Variants in LEPR observed in about 807,000 individuals in gnomAD.
LEPR encodes OB receptor.
A neutral mutation model predicts 114.7 loss-of-function variants in LEPR; 56 were observed. The observed-to-expected ratio is 0.49, with a 90% CI of 0.39 to 0.61. The LOEUF is 0.61. Ranked by LOEUF, LEPR falls within the 20% of genes least tolerant of loss-of-function variation. The pLI is 0.00. For synonymous variants in LEPR, 443 were observed against 461.4 expected, an observed-to-expected ratio of 0.96 and a Z score of 0.51; for missense variants, 1,202 against 1,352.9, an observed-to-expected ratio of 0.89 and a Z score of 1.75.
intron 19 of LEPR, chr1:65,634,679 A>G: frequency 1.0e-6 from 1 of 974,836 alleles, no homozygotes; most frequent in Non-Finnish European, 1.2e-6. Flanking sequence ...GGACATATGT[A>G]ATCTTGACTA....
intron 5 of LEPR, chr1:65,576,803 GA>G: frequency 1.3e-5 from 3 of 238,962 alleles, no homozygotes. Context: ...CCTTTTTTTG[GA>G]AAATGTGTCC....
At chr1:65,486,802 T>G (rs1647508787) in intron 2 of LEPR, among the ~76,000 whole-genome samples, 1 of 152,058 alleles carries the variant, frequency 6.6e-6, no homozygotes, top group Non-Finnish European at 1.5e-5. Context: ...AGGGAGAACA[T>G]GAGGTGGGCC....
At chr1:65,609,293 A>G (rs1039428984) in intron 12 of LEPR, among the ~76,000 whole-genome samples, 1 of 152,160 alleles carries the variant, frequency 6.6e-6, no homozygotes, top group African/African-American at 2.4e-5. Context: ...CCCCAAACTA[A>G]TTTTTCCAAG....
At chr1:65,526,060 C>T (rs1649937142) in intron 2 of LEPR, 1 of 947,942 alleles carries the variant, frequency 1.1e-6, no homozygotes, top group Non-Finnish European at 1.3e-6. Context: ...GATCTGGACA[C>T]ACGGCTGACA....
At chr1:65,500,612 G>A (rs1048225427) in intron 2 of LEPR, among the ~76,000 whole-genome samples, 1 of 152,054 alleles carries the variant, frequency 6.6e-6, no homozygotes, top group African/African-American at 2.4e-5. Context: ...ACGATTTTCT[G>A]AATAACATTT....
intron 18 of LEPR, among the ~76,000 whole-genome samples, chr1:65,621,960 G>A (rs777202210): frequency 1.3e-5 from 2 of 152,018 alleles, no homozygotes; most frequent in Non-Finnish European, 2.9e-5. Context: ...CAGGGAGGAT[G>A]GAATGTTTCT....
At chr1:65,439,299 A>G (rs1397538408) in intron 2 of LEPR, among the ~76,000 whole-genome samples, 1 of 152,344 alleles carries the variant, frequency 6.6e-6, no homozygotes, top group South Asian at 2.1e-4. Context: ...ACAAAGTTAT[A>G]CATTAGACAA....
intron 2 of LEPR, among the ~76,000 whole-genome samples, chr1:65,548,659 T>A (rs1414114799): frequency 1.3e-5 from 2 of 152,196 alleles, no homozygotes; most frequent in Non-Finnish European, 2.9e-5. Context: ...TCCATTTGCT[T>A]GGTAGATCCT....
At chr1:65,473,713 G>A (rs527444208) in intron 2 of LEPR, among the ~76,000 whole-genome samples, 8 of 152,308 alleles carry the variant, frequency 5.3e-5, no homozygotes, top group African/African-American at 1.9e-4. Context: ...TTTTAGAATT[G>A]TGAGACTTGA....
Position 65,636,735 on chromosome 1 carries a change from A to AT in LEPR, c.3219dup (p.Lys1074Ter). The AT allele has an allele frequency of 6.2e-7, 1 of 1,610,792 alleles. No individual in the cohort carries two copies. The highest frequency in any genetic ancestry group is 8.5e-7 in the Non-Finnish European group (1 of 1,178,870). On this transcript the variant is annotated frameshift_variant, in exon 20 of 20. Transcript: ENST00000349533. LOFTEE classifies it high-confidence loss of function. ...GGAAATTTCCCTGAAGAAAATAATG[A>AT]TAAAAAGTCTATCTATTATTTAGGG...
chr1:65,633,839 T>C lies in LEPR; in HGVS notation c.2674-2352T>C. 1.0e-6 allele frequency: 1 copy of C among 985,658 alleles called. No individual in the cohort carries two copies. Among genetic ancestry groups the C allele is most frequent in the Non-Finnish European group, 1.2e-6 (1 of 830,148 alleles). The allele number at this position is 985,658 out of a possible 1,614,324, so 61.1% of individuals were successfully genotyped here. On this transcript the variant is annotated intron_variant, in intron 19 of 19. Coordinates refer to ENST00000349533, the MANE Select transcript of LEPR (RefSeq NM_002303.6). The surrounding 1 kb of genome is among the most constrained non-coding windows in gnomAD (Gnocchi z 4.1). ...TCAGTTAAAAGGAAGCCCGAAGTTG[T>C]GTTTGTGCTGCCCACAGGACAGTGG... is the stretch of plus-strand genomic sequence containing the variant.
At chr1:65,527,430 GTACTTCA>G (rs1650048910) in intron 2 of LEPR, among the ~76,000 whole-genome samples, 2 of 152,212 alleles carry the variant, frequency 1.3e-5, no homozygotes, top group African/African-American at 4.8e-5. Flanking sequence ...AAGGGTTAGT[GTACTTCA>G]TACTTTCTTT....
intron 2 of LEPR, among the ~76,000 whole-genome samples, chr1:65,541,172 A>T (rs1212438307): frequency 6.6e-6 from 1 of 152,240 alleles, no homozygotes; most frequent in African/African-American, 2.4e-5. Flanking sequence ...TCGTGCTTTG[A>T]CATGTAAAAA....
chr1:65,426,913 G>A (rs1395292991), intron 2 of LEPR, among the ~76,000 whole-genome samples: 2 of 152,070 alleles, frequency 1.3e-5, no homozygotes, highest in Admixed American at 1.3e-4. Flanking sequence ...CAGGAGAATT[G>A]CTTGAACACA....
chr1:65,572,223 G>A, intron 4 of LEPR, 103 bp from the exon 5 acceptor site: 1 of 1,373,734 alleles, frequency 7.3e-7, no homozygotes, highest in Non-Finnish European at 9.6e-7. Context: ...TCAGAACACT[G>A]GTAAATTTGA....
intron 2 of LEPR, among the ~76,000 whole-genome samples, chr1:65,444,704 T>A (rs915077329): frequency 1.3e-5 from 2 of 152,184 alleles, no homozygotes; most frequent in Non-Finnish European, 2.9e-5. Flanking sequence ...ATAACTTTAT[T>A]TAAATGAGAA....
chr1:65,525,446 T>C (rs1353632114), intron 2 of LEPR, among the ~76,000 whole-genome samples: 7 of 152,014 alleles, frequency 4.6e-5, no homozygotes, highest in Admixed American at 4.6e-4. Context: ...GCGCCGGGTC[T>C]CTCCTCCCGC....
chr1:65,491,319 G>A (rs926349960), intron 2 of LEPR, among the ~76,000 whole-genome samples: 4 of 152,126 alleles, frequency 2.6e-5, no homozygotes, highest in African/African-American at 7.2e-5. Flanking sequence ...AATACATCAC[G>A]AAGATCAAAG....
intron 19 of LEPR, chr1:65,635,334 G>T (rs910355513): frequency 2.0e-6 from 2 of 983,406 alleles, no homozygotes; most frequent in African/African-American, 3.5e-5. Flanking sequence ...TACATTGTAT[G>T]AATTGAGCTT....
Sources: gnomAD v4.1 joint callset for allele counts (sites outside exome capture counted in the v4.1 genomes callset) on GRCh38, gnomAD v4.1.1 for gene constraint, Gnocchi (gnomAD v3.1) non-coding constraint, MANE v1.5 for transcripts, NCBI Gene and HGNC (gene_info 2026-07-23, HGNC 2026-07-21) for gene names.